Variants in CEP128 observed in about 807,000 individuals in gnomAD.
The protein encoded by CEP128 is centrosomal protein 128.
In CEP128, 132 loss-of-function variants were observed where a neutral mutation model predicts 156.7. That is an observed-to-expected ratio of 0.84 (90% CI 0.73 to 0.97). The LOEUF is 0.97. Among genes scored for constraint, CEP128 ranks in the 50% least tolerant of loss-of-function variants. CEP128 has a pLI of 0.00. For missense variants in CEP128, 1,252 were observed against 1,281.9 expected (o/e 0.98, Z 0.36); for synonymous variants, 469 against 448.9 (o/e 1.04, Z -0.57).
intron 23 of CEP128, among the ~76,000 whole-genome samples, chr14:80,509,106 G>A (rs891004884): frequency 1.3e-5 from 2 of 152,098 alleles, no homozygotes; most frequent in African/African-American, 4.8e-5. Context: ...AGAACAGCAT[G>A]GGGAAAACAA....
At chr14:80,678,064 G>GTGTATATATATATATATATATGTA (rs1896158877) in intron 19 of CEP128, among the ~76,000 whole-genome samples, 1 of 27,450 alleles carries the variant, frequency 3.6e-5, no homozygotes, top group African/African-American at 9.4e-5. Context: ...ATATATATAT[G>GTGTATATATATATATATATATGTA]TATATATATA....
intron 8 of CEP128, among the ~76,000 whole-genome samples, chr14:80,882,225 GA>G (rs368984233): frequency 4.9e-4 from 73 of 150,332 alleles, no homozygotes; most frequent in African/African-American, 1.1e-3. Flanking sequence ...AACTCTATCA[GA>G]AAAAAAAATC....
chr14:80,619,367 G>GACACACAGACACACAC (rs1555383070), intron 19 of CEP128, among the ~76,000 whole-genome samples: 1 of 139,374 alleles, frequency 7.2e-6, no homozygotes, highest in African/African-American at 2.7e-5. Flanking sequence ...AAGACACACA[G>GACACACAGACACACAC]ACACACACAC....
At chr14:80,587,071 A>G (rs2140469669) in intron 19 of CEP128, among the ~76,000 whole-genome samples, 1 of 152,244 alleles carries the variant, frequency 6.6e-6, no homozygotes, top group South Asian at 2.1e-4. Context: ...TCACCCTTAA[A>G]TATCTCTGCT....
chr14:80,701,779 T>C (rs1041642173), intron 19 of CEP128, among the ~76,000 whole-genome samples: 3 of 152,202 alleles, frequency 2.0e-5, no homozygotes, highest in African/African-American at 4.8e-5. Flanking sequence ...TTGACCCTTT[T>C]CTTTCTCTCA....
chr14:80,717,924 C>T (rs1897668331), intron 19 of CEP128, among the ~76,000 whole-genome samples: 1 of 152,176 alleles, frequency 6.6e-6, no homozygotes, highest in Non-Finnish European at 1.5e-5. Context: ...AATGGATTCT[C>T]CCACTTCAGC....
At chr14:80,575,811 G>A (rs1045746629) in intron 20 of CEP128, among the ~76,000 whole-genome samples, 2 of 151,880 alleles carry the variant, frequency 1.3e-5, no homozygotes, top group African/African-American at 4.8e-5. Context: ...ACCTACCAAT[G>A]GCTTAGTATG....
chr14:80,486,304 A>G (rs569910414), downstream of CEP128, among the ~76,000 whole-genome samples: 5 of 152,302 alleles, frequency 3.3e-5, no homozygotes, highest in Non-Finnish European at 5.9e-5. Flanking sequence ...TGAAGCGAGA[A>G]GGGAAGTTTA....
At chr14:80,762,883 C>G (rs1248637643) in intron 16 of CEP128, among the ~76,000 whole-genome samples, 4 of 152,258 alleles carry the variant, frequency 2.6e-5, no homozygotes, top group Non-Finnish European at 4.4e-5. Flanking sequence ...AACCTAGGAA[C>G]TGGAATTTCT....
At chr14:80,539,329 G>A (rs11847724) in intron 21 of CEP128, among the ~76,000 whole-genome samples, 7,409 of 152,252 alleles carry the variant, frequency 0.049, 614 homozygotes, top group African/African-American at 0.17. Context: ...ACTGAGTCAT[G>A]AGCATTGCCA....
At chr14:80,572,224 C>T (rs1034958092) in intron 20 of CEP128, among the ~76,000 whole-genome samples, 2 of 152,150 alleles carry the variant, frequency 1.3e-5, no homozygotes, top group African/African-American at 4.8e-5. Context: ...TCTGTATATT[C>T]TGGAAAATCA....
chr14:80,767,897 C>A (rs1314766239), intron 16 of CEP128, among the ~76,000 whole-genome samples: 3 of 152,116 alleles, frequency 2.0e-5, no homozygotes, highest in African/African-American at 4.8e-5. Context: ...CCACTCACTA[C>A]TCTGTGTCTT....
intron 2 of CEP128, among the ~76,000 whole-genome samples, chr14:80,950,480 A>G (rs1040421450): frequency 6.6e-6 from 1 of 152,206 alleles, no homozygotes; most frequent in Non-Finnish European, 1.5e-5. Context: ...ATGGAAATCC[A>G]TTTTATGAGA....
chr14:80,887,646 T>G (rs1423640495), intron 8 of CEP128, among the ~76,000 whole-genome samples: 1 of 152,166 alleles, frequency 6.6e-6, no homozygotes, highest in African/African-American at 2.4e-5. Flanking sequence ...GAGGGAAATT[T>G]AAAGTACTAA....
downstream of CEP128, among the ~76,000 whole-genome samples, chr14:80,493,193 T>C (rs941609921): frequency 1.3e-5 from 2 of 152,218 alleles, no homozygotes; most frequent in African/African-American, 4.8e-5. Flanking sequence ...GTCTAGCATA[T>C]GCCTGTTTGA....
At chr14:80,811,691 G>A (rs1234207713) in intron 13 of CEP128, among the ~76,000 whole-genome samples, 1 of 148,952 alleles carries the variant, frequency 6.7e-6, no homozygotes, top group Non-Finnish European at 1.5e-5. Flanking sequence ...GTGTGTGTGT[G>A]TGTGTGTGTG....
chr14:80,615,764 A>T (rs553831324), intron 19 of CEP128, among the ~76,000 whole-genome samples: 2 of 152,074 alleles, frequency 1.3e-5, no homozygotes, highest in Non-Finnish European at 2.9e-5. Flanking sequence ...CAGGAGAATC[A>T]CTTGAACCCG....
At chr14:80,630,115 T>C (rs1893900844) in intron 19 of CEP128, among the ~76,000 whole-genome samples, 1 of 152,012 alleles carries the variant, frequency 6.6e-6, no homozygotes, top group African/African-American at 2.4e-5. Context: ...AATTTTGTTC[T>C]AGTAGTGGTC....
chr14:80,680,414 G>A (rs182981185), intron 19 of CEP128, among the ~76,000 whole-genome samples: 16 of 152,178 alleles, frequency 1.1e-4, no homozygotes, highest in East Asian at 3.9e-4. Context: ...GGCCCTCTGC[G>A]CTCCATGCCC....
Sources: allele counts gnomAD v4.1 joint callset (sites outside exome capture counted in the v4.1 genomes callset), GRCh38; gene constraint gnomAD v4.1.1; transcripts MANE v1.5; gene names NCBI Gene and HGNC (gene_info 2026-07-23, HGNC 2026-07-21).